KDM4C: variants seen among roughly 807,000 people sequenced by gnomAD.
KDM4C encodes lysine-specific demethylase 4C.
Under a neutral mutation model 129.3 loss-of-function variants are expected in KDM4C, and 81 were observed. The ratio of observed to expected loss-of-function variants is 0.63; its 90% CI spans 0.52 to 0.75. The LOEUF (loss-of-function observed/expected upper bound fraction) is 0.75, where lower values mean the gene tolerates loss of function less well. KDM4C is among the 30% of genes least tolerant of loss of function. The pLI is 0.00. For synonymous variants in KDM4C, 573 were observed against 456.1 expected (o/e 1.26, Z -3.26); for missense variants, 1,457 against 1,304.0 (o/e 1.12, Z -1.81).
At position 6,966,998 on chromosome 9, in the gene KDM4C, G is replaced by A. The variant is rs147808626; in HGVS notation, c.922-13927G>A. On this transcript the variant is annotated intron_variant, in intron 8 of 21. Transcript: ENST00000381309. ...AATATATCACTAAAAAATTGAATTA[G>A]CAAGACCCAGAGGAGGATAAAACAT... Among the ~76,000 whole-genome samples, 782 of 152,236 alleles carry A rather than the reference G, an allele frequency of 5.1e-3. 7 individuals carry two copies. The highest frequency in any genetic ancestry group is 0.018 in the African/African-American group (738 of 41,540).
chr9:6,860,429 A>T (rs1356418714), intron 5 of KDM4C, among the ~76,000 whole-genome samples: 1 of 152,234 alleles, frequency 6.6e-6, no homozygotes, highest in African/African-American at 2.4e-5. Context: ...TTGGCAAAGT[A>T]CATTGACAGA....
chr9:7,014,775 C>T (rs1823343213), intron 14 of KDM4C, among the ~76,000 whole-genome samples: 1 of 151,916 alleles, frequency 6.6e-6, no homozygotes, highest in African/African-American at 2.4e-5. Flanking sequence ...GTAATAATTC[C>T]TTTGTATTAG....
chr9:6,839,717 A>G (rs917905531), intron 4 of KDM4C, among the ~76,000 whole-genome samples: 8 of 152,072 alleles, frequency 5.3e-5, no homozygotes, highest in Non-Finnish European at 8.8e-5. Context: ...CCTGGCCAAC[A>G]TGGTGAAACC....
At chr9:6,982,931 A>G (rs929756203) in intron 9 of KDM4C, among the ~76,000 whole-genome samples, 39 of 152,352 alleles carry the variant, frequency 2.6e-4, no homozygotes, top group African/African-American at 9.4e-4. Context: ...GTGGCTTGAT[A>G]TTTAGAGATT....
At chr9:6,969,083 G>A (rs1216318962) in intron 8 of KDM4C, among the ~76,000 whole-genome samples, 4 of 151,884 alleles carry the variant, frequency 2.6e-5, no homozygotes, top group African/African-American at 4.8e-5. Context: ...CCACAGGCAC[G>A]GATCACCACA....
intron 1 of KDM4C, among the ~76,000 whole-genome samples, chr9:6,761,726 TTG>T (rs1348202961): frequency 2.0e-5 from 3 of 152,214 alleles, no homozygotes; most frequent in Non-Finnish European, 4.4e-5. Flanking sequence ...ATTCTGTACT[TTG>T]ATTAAGCTCA....
At chr9:6,945,943 G>T (rs1156481508) in intron 8 of KDM4C, among the ~76,000 whole-genome samples, 1 of 152,106 alleles carries the variant, frequency 6.6e-6, no homozygotes, top group Non-Finnish European at 1.5e-5. Context: ...TGGTCCAGAT[G>T]TCTTTTCTAT....
chr9:6,825,860 C>T (rs1389964719), intron 4 of KDM4C, among the ~76,000 whole-genome samples: 1 of 152,134 alleles, frequency 6.6e-6, no homozygotes, highest in Admixed American at 6.5e-5. Flanking sequence ...GCACAGCCTG[C>T]AGTGCAGTGT....
intron 15 of KDM4C, among the ~76,000 whole-genome samples, chr9:7,041,478 C>T (rs1485214462): frequency 6.6e-6 from 1 of 151,928 alleles, no homozygotes; most frequent in Non-Finnish European, 1.5e-5. Context: ...CTGCCAATTC[C>T]AGTTTGCTTC....
intron 9 of KDM4C, among the ~76,000 whole-genome samples, chr9:6,983,621 C>A (rs1315572364): frequency 6.7e-6 from 1 of 150,254 alleles, no homozygotes; most frequent in Non-Finnish European, 1.5e-5. Flanking sequence ...CACCAGTTAG[C>A]CTGTGTCTGT....
Position 6,986,396 on chromosome 9 carries a change from C to T in KDM4C, c.1407C>T (p.Asp469=). The T allele has an allele frequency of 6.2e-7, 1 of 1,613,726 alleles. No homozygotes were observed. The highest frequency in any genetic ancestry group is 8.5e-7 in the Non-Finnish European group (1 of 1,179,702). The change falls in exon 11 of 22, where the codon GAC becomes GAT. Residue 469 remains aspartate, a synonymous_variant. Coordinates refer to ENST00000381309, the MANE Select transcript of KDM4C (RefSeq NM_015061.6). ...SVTEDIKTED[D]KAYAYRSVPS... ...CAGAAGACATAAAAACTGAGGATGA[C>T]AAAGCTTATGCATATAGAAGTGTAC...
At chr9:7,006,952 T>G (rs1821783809) in intron 12 of KDM4C, among the ~76,000 whole-genome samples, 1 of 152,250 alleles carries the variant, frequency 6.6e-6, no homozygotes, top group Non-Finnish European at 1.5e-5. Flanking sequence ...AAATTTTTAT[T>G]TTTATTGACA....
At chr9:7,155,077 G>T (rs912774936) in intron 19 of KDM4C, among the ~76,000 whole-genome samples, 2 of 152,114 alleles carry the variant, frequency 1.3e-5, no homozygotes, top group African/African-American at 4.8e-5. Context: ...TTCTATAATT[G>T]ACCTTAGATT....
chr9:7,002,795 A>G (rs1820967800), intron 12 of KDM4C, among the ~76,000 whole-genome samples: 1 of 152,240 alleles, frequency 6.6e-6, no homozygotes, highest in Non-Finnish European at 1.5e-5. Context: ...CTTGTCCTAG[A>G]TCACAAAGCT....
At position 6,752,332 on chromosome 9, in the gene KDM4C, CAAAAAAAAAAAAA is replaced by C. The variant is rs1159747148; in HGVS notation, c.49+31352_49+31364del. On this transcript the variant is annotated intron_variant, in intron 1 of 17. Transcript: ENST00000536108. ...TGGGCGACAGAGCGAAACTCCGTCT[CAAAAAAAAAAAAA>C]AAAAAAAAAAAAAAAATTAAGGAGG... Among the ~76,000 whole-genome samples the C allele has an allele frequency of 2.6e-4, 5 of 19,260 alleles. No homozygotes were observed. In the Admixed American group the frequency reaches 3.3e-3, roughly 13 times the overall value. The allele number at this position is 19,260 out of a possible 152,430, so 12.6% of individuals were successfully genotyped here.
intron 18 of KDM4C, among the ~76,000 whole-genome samples, chr9:7,123,650 C>G (rs1007522088): frequency 5.9e-5 from 9 of 152,262 alleles, no homozygotes; most frequent in Admixed American, 5.9e-4. Context: ...AGAGTTTACC[C>G]TGTCATTAAA....
At chr9:6,927,194 G>C (rs1284013875) in intron 8 of KDM4C, among the ~76,000 whole-genome samples, 1 of 151,746 alleles carries the variant, frequency 6.6e-6, no homozygotes, top group Non-Finnish European at 1.5e-5. Flanking sequence ...CAGTGGCATG[G>C]TCTTGGCTCA....
At chr9:7,053,475 G>C (rs1415073081) in intron 17 of KDM4C, among the ~76,000 whole-genome samples, 1 of 152,158 alleles carries the variant, frequency 6.6e-6, no homozygotes, top group Non-Finnish European at 1.5e-5. Flanking sequence ...TCCTAAAATG[G>C]TGTGTGCTTC....
chr9:7,027,505 C>A (rs867212467), intron 15 of KDM4C, among the ~76,000 whole-genome samples: 1 of 152,168 alleles, frequency 6.6e-6, no homozygotes, highest in African/African-American at 2.4e-5. Flanking sequence ...TCTGTTGTTA[C>A]CACCTCTAGG....
Sources: allele counts gnomAD v4.1 joint callset (sites outside exome capture counted in the v4.1 genomes callset), GRCh38; gene constraint gnomAD v4.1.1; transcripts MANE v1.5; gene names NCBI Gene and HGNC (gene_info 2026-07-23, HGNC 2026-07-21).